Variants in LZTS1 observed in about 807,000 individuals in gnomAD.
The protein encoded by LZTS1 is leucine zipper tumor suppressor 1, also known as leucine zipper putative tumor suppressor 1.
Under a neutral mutation model 45.8 loss-of-function variants are expected in LZTS1, and 31 were observed. The observed-to-expected ratio is 0.68, with a 90% CI of 0.51 to 0.91. LZTS1 has a LOEUF of 0.91. LZTS1 is among the 40% of genes least tolerant of loss of function. The probability of loss-of-function intolerance (pLI) is 0.00; values close to 1 mark genes in which losing one functional copy is unlikely to be tolerated. For synonymous variants in LZTS1, 359 were observed against 357.3 expected, an observed-to-expected ratio of 1.00 and a Z score of -0.05; for missense variants, 821 against 788.9, an observed-to-expected ratio of 1.04 and a Z score of -0.49.
At chr8:20,289,202 T>A (rs1800853363) in intron 1 of LZTS1, 1 of 152,160 alleles carries the variant, frequency 6.6e-6, no homozygotes, top group Non-Finnish European at 1.5e-5. Context: ...GTATCAATTG[T>A]TTGCAGGAAT....
rs184301458 is a variant in LZTS1 at position 20,247,031 on chromosome 8, T to G, written c.*2691A>C. 6.6e-6 allele frequency: 1 copy of G among 152,218 alleles called. No individual in the cohort carries two copies. Among genetic ancestry groups the G allele is most frequent in the East Asian group, 1.9e-4 (1 of 5,162 alleles). The allele number at this position is 152,218 out of a possible 1,614,324, so 9.4% of individuals were successfully genotyped here. On this transcript the variant is annotated 3_prime_UTR_variant, in exon 4 of 4. Coordinates refer to ENST00000381569, the MANE Select transcript of LZTS1 (RefSeq NM_021020.5). Reference sequence around the variant, plus strand: ...GCAGGAAAGAACACCCACAGGAAGGTGAGGTTGCAAGGTCGCAGGATACTT... The same window carrying G: ...GCAGGAAAGAACACCCACAGGAAGGGGAGGTTGCAAGGTCGCAGGATACTT...
At position 20,248,437 on chromosome 8, in the gene LZTS1, C is replaced by A. The variant is rs1412106267; in HGVS notation, c.*1285G>T. On this transcript the variant is annotated 3_prime_UTR_variant, in exon 4 of 4. Coordinates refer to ENST00000381569, the MANE Select transcript of LZTS1 (RefSeq NM_021020.5). ...GAGAAACCCTGGACTCCCTGGGGCACTGCCCAAGCTCCTGAGAAAGGGAGC... is the reference window on the plus strand; with the variant it reads ...GAGAAACCCTGGACTCCCTGGGGCAATGCCCAAGCTCCTGAGAAAGGGAGC... The A allele has an allele frequency of 6.6e-6, 1 of 152,312 alleles. No homozygotes were observed. The highest frequency in any genetic ancestry group is 1.5e-5 in the Non-Finnish European group (1 of 68,124). 9.4% of individuals were successfully genotyped at this position (152,312 alleles called of 1,614,324 possible). A position where few individuals can be genotyped will look rare whatever the true frequency, so the allele number is the denominator to read the frequency against.
At chr8:20,272,126 T>C (rs369911147) in intron 1 of LZTS1, among the ~76,000 whole-genome samples, 1 of 152,242 alleles carries the variant, frequency 6.6e-6, no homozygotes, top group African/African-American at 2.4e-5. Flanking sequence ...AATCATGTCA[T>C]GAATCATGTC....
chr8:20,255,281 G>A lies in LZTS1; in HGVS notation c.-100C>T. 6.8e-7 allele frequency: 1 copy of A among 1,470,998 alleles called. No individual in the cohort carries two copies. The highest frequency in any genetic ancestry group is 8.9e-7 in the Non-Finnish European group (1 of 1,117,324). The allele number at this position is 1,470,998 out of a possible 1,614,324, so 91.1% of individuals were successfully genotyped here. Reference sequence around the variant, plus strand: ...GCTCCGTGAGGGGACTGAGGTCATAGCAAAGCCCTCACAGAGCCTGCGAGA... The same window carrying A: ...GCTCCGTGAGGGGACTGAGGTCATAACAAAGCCCTCACAGAGCCTGCGAGA... On this transcript the variant is annotated 5_prime_UTR_variant, in exon 2 of 4. Transcript: ENST00000381569.
intron 1 of LZTS1, among the ~76,000 whole-genome samples, chr8:20,271,281 C>T (rs1322611359): frequency 6.6e-6 from 1 of 152,194 alleles, no homozygotes; most frequent in Non-Finnish European, 1.5e-5. Flanking sequence ...TCACATTTAG[C>T]CCAGGAGCCG....
rs1191769552 is a variant in LZTS1 at position 20,253,108 on chromosome 8, C to A, written c.823G>T (p.Gly275Cys). 6.2e-7 allele frequency: 1 copy of A among 1,611,250 alleles called. No homozygotes were observed. Among genetic ancestry groups the A allele is most frequent in the Admixed American group, 1.7e-5 (1 of 60,008 alleles). ...CTGCGCTGCAGCTTCTGGAGGGCGC[C>A]CTCCCTCTCCAACAGCTTCTGCTCC... ...ELEQKLLERE[G>C]ALQKLQRSFE... The change falls in exon 3 of 4, where the codon GGC becomes TGC. Residue 275 changes from glycine (G) to cysteine (C), a missense_variant. Physicochemically the swap from Gly to Cys is radical, Grantham distance 159. Transcript: ENST00000381569.
intron 1 of LZTS1, among the ~76,000 whole-genome samples, chr8:20,287,075 T>G (rs950950122): frequency 6.6e-6 from 1 of 152,242 alleles, no homozygotes; most frequent in Non-Finnish European, 1.5e-5. Flanking sequence ...ATATTATACT[T>G]CAATACATTG....
intron 3 of LZTS1, among the ~76,000 whole-genome samples, chr8:20,251,113 ATATATATATATATATAT>A (rs1203595365): frequency 5.2e-3 from 113 of 21,832 alleles, no homozygotes; most frequent in African/African-American, 0.016. Flanking sequence ...ATATATATAT[ATATATATATATATATAT>A]ATATATATAT....
At chr8:20,279,528 C>T (rs1800645214) in intron 1 of LZTS1, among the ~76,000 whole-genome samples, 1 of 151,838 alleles carries the variant, frequency 6.6e-6, no homozygotes, top group Non-Finnish European at 1.5e-5. Context: ...AGTGAGACCC[C>T]CCATGTCTAC....
At chr8:20,280,483 A>T (rs1457591834) in intron 1 of LZTS1, among the ~76,000 whole-genome samples, 1 of 152,112 alleles carries the variant, frequency 6.6e-6, no homozygotes, top group African/African-American at 2.4e-5. Context: ...TCATGGGGAT[A>T]ATTCCTCCCG....
intron 1 of LZTS1, among the ~76,000 whole-genome samples, chr8:20,295,874 A>T (rs1372314127): frequency 6.6e-6 from 1 of 151,976 alleles, no homozygotes; most frequent in Non-Finnish European, 1.5e-5. Context: ...ATCCAGTGTC[A>T]CTGGGGTCAC....
chr8:20,276,017 G>T (rs2128896587), intron 1 of LZTS1: 1 of 152,180 alleles, frequency 6.6e-6, no homozygotes, highest in Admixed American at 6.5e-5. Context: ...GGGAGGAGAA[G>T]TCTATAAAGC....
At chr8:20,268,894 G>A (rs200429159) in intron 1 of LZTS1, among the ~76,000 whole-genome samples, 79 of 152,230 alleles carry the variant, frequency 5.2e-4, no homozygotes, top group East Asian at 5.8e-4. Context: ...TCGAACAATC[G>A]GAAGCAATTC....
intron 3 of LZTS1, among the ~76,000 whole-genome samples, chr8:20,251,676 C>A (rs2935312): frequency 0.36 from 54,294 of 151,940 alleles, 9,934 homozygotes; most frequent in East Asian, 0.44. Context: ...GAGGAGAAGA[C>A]AATGATTCCT....
intron 1 of LZTS1, among the ~76,000 whole-genome samples, chr8:20,264,415 C>T (rs1484106962): frequency 2.0e-5 from 3 of 152,148 alleles, no homozygotes; most frequent in Non-Finnish European, 2.9e-5. Flanking sequence ...TTTAAAGCCC[C>T]GTTCCTTAAA....
intron 2 of LZTS1, 74 bp from the exon 3 acceptor site, chr8:20,253,659 G>A (rs915141510): frequency 3.2e-5 from 40 of 1,243,414 alleles, no homozygotes; most frequent in Non-Finnish European, 4.1e-5. Flanking sequence ...CCAGGCACGC[G>A]TGCCGACCTT....
intron 1 of LZTS1, among the ~76,000 whole-genome samples, chr8:20,300,499 AT>A (rs1280842441): frequency 6.6e-6 from 1 of 151,740 alleles, no homozygotes; most frequent in Non-Finnish European, 1.5e-5. Flanking sequence ...CGCCCGGCTA[AT>A]TTTTTGTATT....
chr8:20,271,721 C>T (rs559273976), intron 1 of LZTS1, among the ~76,000 whole-genome samples: 1 of 152,356 alleles, frequency 6.6e-6, no homozygotes, highest in South Asian at 2.1e-4. Context: ...GCCTCTCCCT[C>T]CCCCTTGCCT....
At chr8:20,275,733 A>G (rs1800567719) in intron 1 of LZTS1, 1 of 152,482 alleles carries the variant, frequency 6.6e-6, no homozygotes, top group Admixed American at 6.5e-5. Context: ...GTGACTGGGC[A>G]GAGAGAAGGG....
Sources: allele counts gnomAD v4.1 joint callset (sites outside exome capture counted in the v4.1 genomes callset), GRCh38; gene constraint gnomAD v4.1.1; transcripts MANE v1.5; gene names NCBI Gene and HGNC (gene_info 2026-07-23, HGNC 2026-07-21).